The following PHRF1 variants were observed in gnomAD, a reference collection of about 807,000 sequenced individuals.
PHRF1 encodes PHD and ring finger domains 1.
A neutral mutation model predicts 128.9 loss-of-function variants in PHRF1; 53 were observed. The ratio of observed to expected loss-of-function variants is 0.41; its 90% CI spans 0.33 to 0.52. PHRF1 has a LOEUF of 0.52. Among genes scored for constraint, PHRF1 ranks in the 20% least tolerant of loss-of-function variants. The pLI, the probability that PHRF1 is intolerant of heterozygous loss-of-function variation, is 0.21. For missense variants in PHRF1, 2,503 were observed against 2,284.5 expected, an observed-to-expected ratio of 1.10 and a Z score of -1.95; for synonymous variants, 1,178 against 980.6, an observed-to-expected ratio of 1.20 and a Z score of -3.76.
At position 605,264 on chromosome 11, in the gene PHRF1, T is replaced by C. The variant is rs1855874486; in HGVS notation, c.1298T>C (p.Leu433Pro). 1 of 1,613,568 alleles carries C rather than the reference T, an allele frequency of 6.2e-7. No individual in the cohort carries two copies. The highest frequency in any genetic ancestry group is 8.5e-7 in the Non-Finnish European group (1 of 1,179,870). ...RADIGAASLS[L>P]FGDPYELDPF... The stretch of plus-strand genomic sequence containing the variant: ...GATATTGGAGCTGCCTCTCTGTCTC[T>C]GTTTGGAGATCCTTATGAGCTGGAT... Residue 433 changes from leucine (L) to proline (P), a missense_variant, in exon 11 of 18, where the codon CTG (leucine) becomes CCG (proline). Leu to Pro is a moderately conservative substitution (Grantham distance 98). Coordinates refer to ENST00000264555, the MANE Select transcript of PHRF1 (RefSeq NM_001286581.2).
At chr11:610,911 C>A (rs377066035) in intron 16 of PHRF1, 43 bp from the exon 17 acceptor site, 1 of 1,604,852 alleles carries the variant, frequency 6.2e-7, no homozygotes, top group Admixed American at 1.7e-5. Context: ...CAGAGGGACT[C>A]CCGGCTCCCT....
intron 14 of PHRF1, 47 bp downstream of exon 14, chr11:609,767 A>G: frequency 8.3e-7 from 1 of 1,205,092 alleles, no homozygotes; most frequent in Non-Finnish European, 1.1e-6. Flanking sequence ...CCCAGTGAGT[A>G]AGGCCCTGGC....
rs1419165707 is a variant in PHRF1 at position 608,978 on chromosome 11, G to A, written c.3522G>A (p.Glu1174=). ...RSPSSEHRAR[E]HRRPRSREKW... ...CAAGCTCGGAGCACAGGGCACGGGA[G>A]CACAGGCGGCCTCGGTCCCGTGAGA... Residue 1174 remains glutamate (E), a synonymous_variant, in exon 14 of 18, where the codon GAG becomes GAA. Transcript: ENST00000264555. 2 of 1,608,592 alleles carry A rather than the reference G, an allele frequency of 1.2e-6. No homozygotes were observed. The highest frequency in any genetic ancestry group is 3.4e-5 in the Admixed American group (2 of 59,234).
At chr11:578,483 C>T (rs972379968) in intron 1 of PHRF1, among the ~76,000 whole-genome samples, 2 of 152,210 alleles carry the variant, frequency 1.3e-5, no homozygotes, top group African/African-American at 4.8e-5. Context: ...TGGCCAGCTC[C>T]TATGTGCCAA....
intron 6 of PHRF1, among the ~76,000 whole-genome samples, chr11:595,215 T>C (rs757387393): frequency 6.6e-6 from 1 of 152,120 alleles, no homozygotes; most frequent in Non-Finnish European, 1.5e-5. Context: ...CCCCGATCCT[T>C]GGGAGGCTGA....
At chr11:588,776 G>A (rs922200106) in intron 4 of PHRF1, among the ~76,000 whole-genome samples, 4 of 152,004 alleles carry the variant, frequency 2.6e-5, no homozygotes, top group Admixed American at 1.3e-4. Context: ...TGTATTTTCT[G>A]TCTGGCATTT....
At position 608,641 on chromosome 11, in the gene PHRF1, G is replaced by A. The variant is rs780998544; in HGVS notation, c.3185G>A (p.Arg1062Gln). 33 of 1,612,282 alleles carry A rather than the reference G, an allele frequency of 2.0e-5. No homozygotes were observed. In the Admixed American group the frequency reaches 2.2e-4, roughly 11 times the overall value. The change falls in exon 14 of 18, where the codon CGA (arginine) becomes CAA (glutamine). Residue 1062 changes from arginine (R) to glutamine (Q), a missense_variant. Coordinates refer to ENST00000264555, the MANE Select transcript of PHRF1 (RefSeq NM_001286581.2). ...RRSSSDRSSS[R>Q]ERAKRKKAKD... ...TCCTCCAGTGACCGCTCCAGCAGCC[G>A]AGAGCGAGCTAAGAGGAAGAAAGCC...
chr11:604,608 G>A (rs1157884752), intron 10 of PHRF1, among the ~76,000 whole-genome samples: 1 of 152,130 alleles, frequency 6.6e-6, no homozygotes, highest in Non-Finnish European at 1.5e-5. Flanking sequence ...TCTGCCTCCC[G>A]GGTTCAAGCA....
Position 608,598 on chromosome 11 carries a change from A to G in PHRF1, c.3142A>G (p.Lys1048Glu), listed in dbSNP as rs1448252556. The G allele has an allele frequency of 1.2e-6, 2 of 1,612,266 alleles. No homozygotes were observed. Among genetic ancestry groups the G allele is most frequent in the Admixed American group, 3.3e-5 (2 of 59,980 alleles). Residue 1048 changes from lysine to glutamate, a missense_variant, in exon 14 of 18, where the codon AAG becomes GAG. Lys to Glu is a moderately conservative substitution (Grantham distance 56). Transcript: ENST00000264555. ...GGAGCGCCCCAGGAGGCAGCGGTCC[A>G]AGGCCAAGAGCCGGCGGTCCTCCAG... ...GEERPRRQRS[K>E]AKSRRSSSDR...
chr11:579,829 T>C (rs1384060439), intron 1 of PHRF1, among the ~76,000 whole-genome samples: 2 of 152,266 alleles, frequency 1.3e-5, no homozygotes, highest in African/African-American at 2.4e-5. Context: ...TTCACTGTTT[T>C]ATAAGGCATC....
Position 606,500 on chromosome 11 carries a change from C to T in PHRF1, c.1513C>T (p.Leu505=). ...PDLEEEPVPD[L]LGSILSGQSL... Reference sequence around the variant, plus strand: ...CTTGGAGGAGGAGCCAGTGCCTGACCTGCTGGGCAGCATCCTGTCGGGCCA... The same window carrying T: ...CTTGGAGGAGGAGCCAGTGCCTGACTTGCTGGGCAGCATCCTGTCGGGCCA... Residue 505 remains leucine (L), a synonymous_variant, in exon 13 of 18, where the codon CTG becomes TTG. Coordinates refer to ENST00000264555, the MANE Select transcript of PHRF1 (RefSeq NM_001286581.2). The T allele has an allele frequency of 6.2e-7, 1 of 1,605,532 alleles. No individual in the cohort carries two copies. The highest frequency in any genetic ancestry group is 8.5e-7 in the Non-Finnish European group (1 of 1,178,264).
chr11:587,120 T>A, intron 3 of PHRF1, 139 bp from the exon 4 acceptor site: 2 of 744,798 alleles, frequency 2.7e-6, no homozygotes, highest in Non-Finnish European at 4.5e-6. Flanking sequence ...GACGTGGAGG[T>A]AAGTGGCAGG....
At position 597,419 on chromosome 11, in the gene PHRF1, A is replaced by T. The variant is rs370069898; in HGVS notation, c.743A>T (p.Glu248Val). 12 of 1,612,618 alleles carry T rather than the reference A, an allele frequency of 7.4e-6. No individual in the cohort carries two copies. The African/African-American group carries it at 8.0e-5, about 11-fold the overall frequency. The change falls in exon 8 of 18, where the codon GAG (glutamate) becomes GTG (valine). Residue 248 changes from glutamate to valine, a missense_variant. Glu to Val is a moderately radical substitution (Grantham distance 121). Transcript: ENST00000264555. The surrounding 1 kb of genome is among the most constrained non-coding windows in gnomAD (Gnocchi z 6.5). ...GATGCGGGTCCCGTGAGTGAGGAGG[A>T]GGTCTCCCTGCTCTTGGCTGATGTG... ...AADAGPVSEE[E>V]VSLLLADVVP... is the part of the protein sequence containing the mutation.
At chr11:585,987 A>C (rs980689491) in intron 3 of PHRF1, among the ~76,000 whole-genome samples, 1 of 151,946 alleles carries the variant, frequency 6.6e-6, no homozygotes, top group African/African-American at 2.4e-5. Flanking sequence ...TCAGCCTCCC[A>C]AGTAGCTGGG....
intron 3 of PHRF1, among the ~76,000 whole-genome samples, chr11:583,410 A>C (rs1405776377): frequency 2.0e-5 from 3 of 151,844 alleles, no homozygotes; most frequent in Admixed American, 1.3e-4. Flanking sequence ...CCCACTACTC[A>C]GGAGGCTGAG....
At chr11:587,207 G>A (rs1249734974) in intron 3 of PHRF1, 52 bp from the exon 4 acceptor site, 18 of 1,571,616 alleles carry the variant, frequency 1.1e-5, no homozygotes, top group African/African-American at 1.4e-5. Context: ...CTCCAGTGCC[G>A]CGGTTCACGC....
chr11:599,693 T>C (rs1386667624), intron 9 of PHRF1, among the ~76,000 whole-genome samples: 2 of 152,220 alleles, frequency 1.3e-5, no homozygotes, highest in Non-Finnish European at 2.9e-5. Flanking sequence ...CCTGTGGCCA[T>C]GTGCATCACT....
intron 6 of PHRF1, among the ~76,000 whole-genome samples, chr11:593,432 C>T (rs1045664329): frequency 2.0e-5 from 3 of 152,250 alleles, no homozygotes; most frequent in Admixed American, 6.5e-5. Context: ...TGACGTGCCG[C>T]GGCTGGAGCC....
chr11:606,329 GC>G, intron 12 of PHRF1, 112 bp from the exon 13 acceptor site: 1 of 1,353,152 alleles, frequency 7.4e-7, no homozygotes, highest in East Asian at 2.6e-5. Context: ...GGAGGCGCAG[GC>G]CCGGCCCAGC....
Sources: allele counts gnomAD v4.1 joint callset (sites outside exome capture counted in the v4.1 genomes callset), GRCh38; gene constraint gnomAD v4.1.1; non-coding constraint Gnocchi (gnomAD v3.1); transcripts MANE v1.5; gene names NCBI Gene and HGNC (gene_info 2026-07-23, HGNC 2026-07-21).